Variants in CNTNAP2 observed in about 807,000 individuals in gnomAD.
CNTNAP2 encodes the protein contactin-associated protein-like 2.
In CNTNAP2, 98 loss-of-function variants were observed where a neutral mutation model predicts 155.2. That is an observed-to-expected ratio of 0.63 (90% CI 0.54 to 0.75). The LOEUF (loss-of-function observed/expected upper bound fraction) is 0.75. Among genes scored for constraint, CNTNAP2 ranks in the 30% least tolerant of loss-of-function variants. The pLI, the probability that CNTNAP2 is intolerant of heterozygous loss-of-function variation, is 0.00. For missense variants in CNTNAP2, 1,727 were observed against 1,688.1 expected (o/e 1.02, Z -0.40); for synonymous variants, 651 against 631.2 (o/e 1.03, Z -0.47).
In CNTNAP2 at chr7:146,293,375, A is replaced by C. The variant is rs150875869; in HGVS notation, c.97+176402A>C. Among the ~76,000 whole-genome samples the C allele has an allele frequency of 8.7e-3, 1,328 of 152,294 alleles. 24 individuals carry two copies. Among genetic ancestry groups the C allele is most frequent in the African/African-American group, 0.03 (1,252 of 41,562 alleles). ...TTTTATCATTTAATAAAAATGGATTAGAAAATCGCTCTGTATAATTAATAG... is the reference window on the plus strand; with the variant it reads ...TTTTATCATTTAATAAAAATGGATTCGAAAATCGCTCTGTATAATTAATAG... On this transcript the variant is annotated intron_variant, in intron 1 of 23. Transcript: ENST00000361727.
rs567500731 is a variant in CNTNAP2 at position 146,615,949 on chromosome 7, G to A, written c.98-158322G>A. On this transcript the variant is annotated intron_variant, in intron 1 of 23. Coordinates refer to ENST00000361727, the MANE Select transcript of CNTNAP2 (RefSeq NM_014141.6). ...CTCCCCACATAATATTAATACTCAC[G>A]TATTTGCTCAAGTTCTTCTGGGAGA... Among the ~76,000 whole-genome samples, 14 of 152,272 alleles carry A rather than the reference G, an allele frequency of 9.2e-5. No homozygotes were observed. The East Asian group carries it at 2.1e-3, about 23-fold the overall frequency.
At chr7:148,190,432 G>C (rs1470214427) in intron 18 of CNTNAP2, 1 of 152,248 alleles carries the variant, frequency 6.6e-6, no homozygotes, top group Non-Finnish European at 1.5e-5. Flanking sequence ...GACTGGAACA[G>C]AGAAGATGAA....
At chr7:147,508,421 C>A (rs182361465) in intron 11 of CNTNAP2, among the ~76,000 whole-genome samples, 2 of 152,202 alleles carry the variant, frequency 1.3e-5, no homozygotes, top group Non-Finnish European at 2.9e-5. Context: ...CATTTGTATC[C>A]CATCTTCCTC....
intron 20 of CNTNAP2, 74 bp downstream of exon 20, chr7:148,229,853 G>A (rs946548895): frequency 1.3e-6 from 2 of 1,583,060 alleles, no homozygotes; most frequent in East Asian, 2.3e-5. Context: ...CTTGGCCATT[G>A]GTTTTGTTTT....
chr7:146,969,074 T>C (rs1333321173), intron 3 of CNTNAP2, among the ~76,000 whole-genome samples: 1 of 150,654 alleles, frequency 6.6e-6, no homozygotes, highest in Non-Finnish European at 1.5e-5. Context: ...ATGTACCCAG[T>C]AGTCATTCAG....
At chr7:147,735,024 A>G (rs1271671458) in intron 13 of CNTNAP2, among the ~76,000 whole-genome samples, 2 of 149,638 alleles carry the variant, frequency 1.3e-5, no homozygotes, top group East Asian at 3.9e-4. Flanking sequence ...TGTCTCTTCC[A>G]GTTCTGCTCT....
Position 147,900,885 on chromosome 7 carries a change from A to G in CNTNAP2, c.2099-2680A>G, listed in dbSNP as rs1232260560. Among the ~76,000 whole-genome samples, 4 of 152,222 alleles carry G rather than the reference A, an allele frequency of 2.6e-5. 1 individual carries two copies. The highest frequency in any genetic ancestry group is 4.1e-4 in the South Asian group (2 of 4,836). Reference sequence around the variant, plus strand: ...GGTTTGCCCTGATAGTTCCTAAAACATATTTTCAGCTCAGAAAATCCTCCT... The same window carrying G: ...GGTTTGCCCTGATAGTTCCTAAAACGTATTTTCAGCTCAGAAAATCCTCCT... On this transcript the variant is annotated intron_variant, in intron 13 of 23. Coordinates refer to ENST00000361727, the MANE Select transcript of CNTNAP2 (RefSeq NM_014141.6).
intron 1 of CNTNAP2, among the ~76,000 whole-genome samples, chr7:146,622,956 C>CAAA (rs1285951271): frequency 1.2e-5 from 1 of 83,200 alleles, no homozygotes; most frequent in Non-Finnish European, 2.5e-5. Flanking sequence ...GACTCCATCT[C>CAAA]AAAAAAAAAA....
At chr7:147,674,230 G>A (rs764662489) in intron 13 of CNTNAP2, among the ~76,000 whole-genome samples, 11 of 152,160 alleles carry the variant, frequency 7.2e-5, no homozygotes, top group Admixed American at 2.6e-4. Context: ...AAAGATGTAG[G>A]TGCTATTTAA....
chr7:147,706,177 T>G (rs1796311925), intron 13 of CNTNAP2, among the ~76,000 whole-genome samples: 2 of 151,156 alleles, frequency 1.3e-5, no homozygotes, highest in Admixed American at 1.3e-4. Flanking sequence ...TGGTAACATT[T>G]GAGGTTTTTT....
intron 16 of CNTNAP2, among the ~76,000 whole-genome samples, chr7:148,119,634 C>T (rs1229978210): frequency 6.6e-6 from 1 of 152,208 alleles, no homozygotes; most frequent in African/African-American, 2.4e-5. Context: ...TTTCCCATTT[C>T]TGCTGAAATG....
At chr7:147,509,268 A>G (rs1478618533) in intron 11 of CNTNAP2, among the ~76,000 whole-genome samples, 1 of 152,220 alleles carries the variant, frequency 6.6e-6, no homozygotes, top group Admixed American at 6.5e-5. Context: ...AGACCGTGTC[A>G]TAGAAAGAGC....
At chr7:146,193,742 C>A (rs1170923664) in intron 1 of CNTNAP2, among the ~76,000 whole-genome samples, 1 of 152,178 alleles carries the variant, frequency 6.6e-6, no homozygotes, top group African/African-American at 2.4e-5. Context: ...GTTACTTATG[C>A]AAATTTGGCA....
intron 1 of CNTNAP2, among the ~76,000 whole-genome samples, chr7:146,179,167 G>C (rs1302190079): frequency 6.6e-6 from 1 of 152,150 alleles, no homozygotes; most frequent in East Asian, 1.9e-4. Flanking sequence ...GAGATGAGGG[G>C]ATAGTAAGAA....
chr7:148,023,030 T>C (rs1209271418), intron 15 of CNTNAP2, among the ~76,000 whole-genome samples: 1 of 151,996 alleles, frequency 6.6e-6, no homozygotes, highest in Non-Finnish European at 1.5e-5. Context: ...CTCATAGCAA[T>C]CCCCATCCCT....
intron 17 of CNTNAP2, among the ~76,000 whole-genome samples, chr7:148,155,928 C>T (rs773955641): frequency 3.3e-5 from 5 of 152,100 alleles, no homozygotes; most frequent in African/African-American, 4.8e-5. Flanking sequence ...CTTCCCACAA[C>T]GTGCAGGAGA....
At chr7:147,667,806 AAT>A (rs1458752227) in intron 13 of CNTNAP2, among the ~76,000 whole-genome samples, 21 of 140,736 alleles carry the variant, frequency 1.5e-4, no homozygotes, top group African/African-American at 4.4e-4. Context: ...AAAAAAAAAA[AAT>A]AATAAAAAAA....
chr7:147,441,881 G>A lies in CNTNAP2; in HGVS notation c.1671-44054G>A, dbSNP rs1007124278. Among the ~76,000 whole-genome samples, 12 of 69,242 alleles carry A rather than the reference G, an allele frequency of 1.7e-4. No individual in the cohort carries two copies. The South Asian group carries it at 2.5e-3, about 14-fold the overall frequency. The allele number at this position is 69,242 out of a possible 152,430, so 45.4% of individuals were successfully genotyped here. On this transcript the variant is annotated intron_variant, in intron 10 of 23. Transcript: ENST00000361727. ...CCTCCCTCCCTCCCTCCCTCCCTCC[G>A]TCTCTCTCTGTTCTGAGCCACGTGG... is the stretch of plus-strand genomic sequence containing the variant.
intron 1 of CNTNAP2, among the ~76,000 whole-genome samples, chr7:146,560,152 G>T (rs1029485701): frequency 5.9e-5 from 9 of 152,022 alleles, no homozygotes; most frequent in African/African-American, 1.7e-4. Context: ...CCTTTGCAGG[G>T]TAATTAGATT....
Sources: allele counts gnomAD v4.1 joint callset (sites outside exome capture counted in the v4.1 genomes callset), GRCh38; gene constraint gnomAD v4.1.1; transcripts MANE v1.5; gene names NCBI Gene and HGNC (gene_info 2026-07-23, HGNC 2026-07-21).